The following MYH9 variants were observed in gnomAD, a reference collection of about 807,000 sequenced individuals.
MYH9 encodes myosin-9.
MYH9 carries 29 observed loss-of-function variants against 241.9 expected under a neutral mutation model. The observed-to-expected ratio is 0.12, with a 90% confidence interval of 0.09 to 0.16. MYH9 has a LOEUF of 0.16. MYH9 is among the 10% of genes least tolerant of loss of function. The pLI is 1.00. For synonymous variants in MYH9, 1,047 were observed against 1,062.6 expected (o/e 0.99, Z 0.29); for missense variants, 1,803 against 2,595.5 (o/e 0.69, Z 6.63).
chr22:36,300,142 G>A lies in MYH9; in HGVS notation c.2961C>T (p.Asn987=). ...CGGGCCTCACCTTGGCCAGCTTGCAGTTCTGGTCCTCCAGGATGATCTGCT... is the reference window on the plus strand; with the variant it reads ...CGGGCCTCACCTTGGCCAGCTTGCAATTCTGGTCCTCCAGGATGATCTGCT... ...EEEQIILEDQ[N]CKLAKEKKLL... The change falls in exon 23 of 41, where the codon AAC becomes AAT. Residue 987 remains asparagine, a synonymous_variant. Transcript: ENST00000216181. The surrounding 1 kb of genome is among the most constrained non-coding windows in gnomAD (Gnocchi z 5.0). 6.2e-7 allele frequency: 1 copy of A among 1,612,150 alleles called. No individual in the cohort carries two copies. Among genetic ancestry groups the A allele is most frequent in the South Asian group, 1.1e-5 (1 of 91,082 alleles).
chr22:36,285,461 G>A lies in MYH9; in HGVS notation c.5275-132C>T. ...CCAGAGTCTTGGGTCTCCCAGAAAA[G>A]GGAAGATTAGAAACTTCTGAACACC... On this transcript the variant is annotated intron_variant, in intron 37 of 40. Coordinates refer to ENST00000216181, the MANE Select transcript of MYH9 (RefSeq NM_002473.6). This position sits in a 1 kb window ranked among gnomAD's most constrained non-coding sequence, Gnocchi z 7.0. 1 of 1,310,068 alleles carries A rather than the reference G, an allele frequency of 7.6e-7. No homozygotes were observed. The highest frequency in any genetic ancestry group is 1.1e-6 in the Non-Finnish European group (1 of 930,262). 81.2% of individuals were successfully genotyped at this position (1,310,068 alleles called of 1,614,324 possible). A position where few individuals can be genotyped will look rare whatever the true frequency, so the allele number is the denominator to read the frequency against.
chr22:36,359,960 C>G (rs2017911457), intron 1 of MYH9, among the ~76,000 whole-genome samples: 1 of 152,006 alleles, frequency 6.6e-6, no homozygotes, highest in Non-Finnish European at 1.5e-5. Flanking sequence ...AGTCCCAGGT[C>G]CCCTGCTCAC....
chr22:36,303,705 A>T (rs1249990298), intron 19 of MYH9, among the ~76,000 whole-genome samples: 1 of 151,570 alleles, frequency 6.6e-6, no homozygotes, highest in Non-Finnish European at 1.5e-5. Context: ...GAATCACTTG[A>T]ACGTGGGAGG....
chr22:36,370,576 G>A (rs1468917009), intron 1 of MYH9, among the ~76,000 whole-genome samples: 2 of 152,214 alleles, frequency 1.3e-5, no homozygotes, highest in Non-Finnish European at 1.5e-5. Context: ...TCCAACACTC[G>A]GGCCAGTACC....
rs188655008 is a variant in MYH9 at position 36,376,759 on chromosome 22, G to A, written c.-20+11048C>T. ...TTTTGGCTATCTAGGCCTCCCTGTC[G>A]CAGGCTTAGAACTGAAGACACTGGC... On this transcript the variant is annotated intron_variant, in intron 1 of 40. Coordinates refer to ENST00000216181, the MANE Select transcript of MYH9 (RefSeq NM_002473.6). Among the ~76,000 whole-genome samples the A allele has an allele frequency of 2.4e-4, 36 of 152,272 alleles. No homozygotes were observed. The East Asian group carries it at 5.6e-3, about 24-fold the overall frequency.
chr22:36,326,545 G>A lies in MYH9; in HGVS notation c.612+23C>T, dbSNP rs1260360432. ...CACCAAGGCCAAGCAGGCGGCCACA[G>A]GGACAAGGGCTGCAGCACTCACCTG... On this transcript the variant is annotated intron_variant, in intron 5 of 40. Coordinates refer to ENST00000216181, the MANE Select transcript of MYH9 (RefSeq NM_002473.6). 4.3e-6 allele frequency: 7 copies of A among 1,609,344 alleles called. 1 individual carries two copies. Among genetic ancestry groups the A allele is most frequent in the Non-Finnish European group, 6.0e-6 (7 of 1,175,650 alleles).
Position 36,299,033 on chromosome 22 carries a change from G to T in MYH9, c.2986C>A (p.Leu996Met), listed in dbSNP as rs1390409373. 1.2e-6 allele frequency: 2 copies of T among 1,613,968 alleles called. No individual in the cohort carries two copies. The highest frequency in any genetic ancestry group is 1.7e-6 in the Non-Finnish European group (2 of 1,180,014). Reference sequence around the variant, plus strand: ...AACTCAGCTATTCTGTCTTCCAGCAGTTTCTTTTCCTGGGGAGAGGGGAGT... The same window carrying T: ...AACTCAGCTATTCTGTCTTCCAGCATTTTCTTTTCCTGGGGAGAGGGGAGT... Reference protein sequence around the residue: ...QNCKLAKEKKLLEDRIAEFTT... With the variant: ...QNCKLAKEKKMLEDRIAEFTT... Residue 996 changes from leucine to methionine, a missense_variant, in exon 24 of 41, where the codon CTG becomes ATG. Leu to Met is a conservative substitution (Grantham distance 15). This residue lies in a region of MYH9 where 290 missense variants were observed against 360.5 expected (regional missense o/e 0.80). Transcript: ENST00000216181.
chr22:36,343,533 G>C (rs1018662273), intron 2 of MYH9, among the ~76,000 whole-genome samples: 4 of 144,504 alleles, frequency 2.8e-5, no homozygotes, highest in Non-Finnish European at 6.1e-5. Flanking sequence ...GGGTGACAGA[G>C]GGAGACCCTG....
intron 1 of MYH9, among the ~76,000 whole-genome samples, chr22:36,364,015 T>C (rs184427258): frequency 3.0e-4 from 45 of 152,190 alleles, no homozygotes; most frequent in African/African-American, 1.1e-3. Context: ...TGCAGAAAAA[T>C]AACCATACTC....
chr22:36,359,499 G>A (rs1197753832), intron 1 of MYH9, among the ~76,000 whole-genome samples: 1 of 152,202 alleles, frequency 6.6e-6, no homozygotes, highest in Non-Finnish European at 1.5e-5. Flanking sequence ...ACCATTTATG[G>A]ACTAATTTTT....
At chr22:36,381,068 AC>A (rs2018248571) in intron 1 of MYH9, among the ~76,000 whole-genome samples, 1 of 152,034 alleles carries the variant, frequency 6.6e-6, no homozygotes, top group African/African-American at 2.4e-5. Flanking sequence ...AAGCACAAAG[AC>A]CCTTCCCTCT....
intron 1 of MYH9, among the ~76,000 whole-genome samples, chr22:36,357,196 C>T (rs2017869796): frequency 6.6e-6 from 1 of 152,142 alleles, no homozygotes; most frequent in South Asian, 2.1e-4. Flanking sequence ...GAGAAAGGGA[C>T]ACTTCCTTGG....
chr22:36,282,815 GC>G (rs1259102026), intron 40 of MYH9, 30 bp from the exon 41 acceptor site: 1 of 1,585,996 alleles, frequency 6.3e-7, no homozygotes. Flanking sequence ...CAGAGGGTCA[GC>G]GGGCCCGGCC....
At chr22:36,348,062 TAAATA>T (rs1603484019) in intron 2 of MYH9, among the ~76,000 whole-genome samples, 2 of 140,040 alleles carry the variant, frequency 1.4e-5, no homozygotes, top group African/African-American at 2.7e-5. Flanking sequence ...AAATAATAAA[TAAATA>T]AAATATTTAA....
intron 34 of MYH9, among the ~76,000 whole-genome samples, chr22:36,287,714 C>G (rs1056321214): frequency 1.7e-4 from 26 of 152,212 alleles, no homozygotes; most frequent in African/African-American, 6.3e-4. Context: ...TGCACTCCAG[C>G]CTGAGCGACA....
intron 1 of MYH9, among the ~76,000 whole-genome samples, chr22:36,381,515 CAAAA>C (rs772541129): frequency 8.0e-6 from 1 of 124,584 alleles, no homozygotes. Context: ...GACTCCATCT[CAAAA>C]AAAAAAAAAA....
intron 3 of MYH9, among the ~76,000 whole-genome samples, chr22:36,332,616 A>C (rs1318319839): frequency 7.7e-6 from 1 of 129,578 alleles, no homozygotes; most frequent in East Asian, 2.7e-4. Flanking sequence ...CACTTATAGG[A>C]GGCAGAGAAT....
intron 1 of MYH9, among the ~76,000 whole-genome samples, chr22:36,384,614 ATATATATATATAT>A (rs2018318742): frequency 6.4e-4 from 12 of 18,666 alleles, no homozygotes; most frequent in African/African-American, 2.9e-3. Flanking sequence ...AAAAAAAAAT[ATATATATATATAT>A]ATATATATAT....
At position 36,320,818 on chromosome 22, in the gene MYH9, C is replaced by G; in HGVS notation, c.848G>C (p.Gly283Ala). ...CTCACTCTTCAGGTGCTCTCCAGCCCCAGACAGGAGATAATAGAAGATGTG... is the reference window on the plus strand; with the variant it reads ...CTCACTCTTCAGGTGCTCTCCAGCCGCAGACAGGAGATAATAGAAGATGTG... Reference protein sequence around the residue: ...TFHIFYYLLSGAGEHLKTDLL... With the variant: ...TFHIFYYLLSAAGEHLKTDLL... The change falls in exon 8 of 41, where the codon GGG (glycine) becomes GCG (alanine). Residue 283 changes from glycine (G) to alanine (A), a missense_variant. Transcript: ENST00000216181. This position sits in a 1 kb window ranked among gnomAD's most constrained non-coding sequence, Gnocchi z 4.8. The G allele has an allele frequency of 6.2e-7, 1 of 1,613,882 alleles. No individual in the cohort carries two copies. Among genetic ancestry groups the G allele is most frequent in the Non-Finnish European group, 8.5e-7 (1 of 1,179,780 alleles).
Sources: allele counts gnomAD v4.1 joint callset (sites outside exome capture counted in the v4.1 genomes callset), GRCh38; gene constraint gnomAD v4.1.1; regional missense constraint gnomAD v4.1.1; non-coding constraint Gnocchi (gnomAD v3.1); transcripts MANE v1.5; gene names NCBI Gene and HGNC (gene_info 2026-07-23, HGNC 2026-07-21).